PTPRD: variants seen among roughly 807,000 people sequenced by gnomAD.
PTPRD encodes the protein protein tyrosine phosphatase receptor type D.
In PTPRD, 34 loss-of-function variants were observed where a neutral mutation model predicts 214.5. The observed-to-expected ratio is 0.16, with a 90% CI of 0.12 to 0.21. PTPRD has a LOEUF of 0.21. Among genes scored for constraint, PTPRD ranks in the 10% least tolerant of loss-of-function variants. PTPRD has a pLI of 1.00. For synonymous variants in PTPRD, 1,128 were observed against 845.7 expected, an observed-to-expected ratio of 1.33 and a Z score of -5.79; for missense variants, 2,545 against 2,398.7, an observed-to-expected ratio of 1.06 and a Z score of -1.27.
At chr9:9,727,213 T>C (rs2154436911) in intron 7 of PTPRD, among the ~76,000 whole-genome samples, 1 of 152,240 alleles carries the variant, frequency 6.6e-6, no homozygotes, top group Middle Eastern at 3.4e-3. Flanking sequence ...TCTGGCATTC[T>C]GGGTGGCTGA....
intron 10 of PTPRD, among the ~76,000 whole-genome samples, chr9:9,090,207 C>T (rs966463516): frequency 2.0e-5 from 3 of 151,940 alleles, no homozygotes; most frequent in African/African-American, 7.3e-5. Flanking sequence ...CTTCATCTCC[C>T]TGGCCCTCCA....
intron 4 of PTPRD, among the ~76,000 whole-genome samples, chr9:10,000,248 GTAAC>G (rs1262363176): frequency 6.6e-6 from 1 of 152,136 alleles, no homozygotes; most frequent in African/African-American, 2.4e-5. Context: ...ATACATGGGT[GTAAC>G]TAACAAGAGT....
At chr9:8,335,070 C>G (rs1587940217) in intron 43 of PTPRD, among the ~76,000 whole-genome samples, 1 of 152,132 alleles carries the variant, frequency 6.6e-6, no homozygotes, top group African/African-American at 2.4e-5. Flanking sequence ...ACCAGAGGTA[C>G]AAAGAGGAGT....
chr9:10,180,984 T>G (rs565508359), intron 3 of PTPRD, among the ~76,000 whole-genome samples: 1 of 152,092 alleles, frequency 6.6e-6, no homozygotes, highest in Non-Finnish European at 1.5e-5. Context: ...TTAGAATTTA[T>G]TAAGATTAAG....
intron 2 of PTPRD, among the ~76,000 whole-genome samples, chr9:10,483,852 T>C (rs1418684943): frequency 6.6e-6 from 1 of 152,164 alleles, no homozygotes; most frequent in African/African-American, 2.4e-5. Context: ...ACAACCTCTC[T>C]GGAAAACAAT....
chr9:9,981,372 T>TTTTA, intron 4 of PTPRD, among the ~76,000 whole-genome samples: 1 of 151,120 alleles, frequency 6.6e-6, no homozygotes, highest in Non-Finnish European at 1.5e-5. Flanking sequence ...TTTTTTTTTT[T>TTTTA]AAGACAGAGT....
At chr9:8,766,104 G>C (rs1205466195) in intron 11 of PTPRD, among the ~76,000 whole-genome samples, 1 of 151,432 alleles carries the variant, frequency 6.6e-6, no homozygotes, top group Non-Finnish European at 1.5e-5. Context: ...CCTTACACTA[G>C]GTGGGAAATG....
rs564469017 is a variant in PTPRD, at chr9:8,817,713, T to C, written c.-103-83767A>G. ...TCATAGAATGGTAAAATCCATAAAA[T>C]ACCTAATAAGCATACTGATTATGGG... On this transcript the variant is annotated intron_variant, in intron 11 of 45. Coordinates refer to ENST00000381196, the MANE Select transcript of PTPRD (RefSeq NM_002839.4). Among the ~76,000 whole-genome samples, 18 of 152,282 alleles carry C rather than the reference T, an allele frequency of 1.2e-4. No homozygotes were observed. In the South Asian group the frequency reaches 2.5e-3, roughly 21 times the overall value.
At chr9:8,921,458 G>C (rs71507665) in intron 11 of PTPRD, among the ~76,000 whole-genome samples, 23,877 of 151,894 alleles carry the variant, frequency 0.16, 2,004 homozygotes, top group East Asian at 0.26. Context: ...TGAGGATGTG[G>C]GGCTTATGAA....
chr9:9,968,161 A>T (rs1271862024), intron 4 of PTPRD, among the ~76,000 whole-genome samples: 1 of 152,192 alleles, frequency 6.6e-6, no homozygotes, highest in Non-Finnish European at 1.5e-5. Context: ...TTATTCTTCA[A>T]TGAAACCATG....
chr9:9,233,427 G>A (rs549055956), intron 9 of PTPRD, among the ~76,000 whole-genome samples: 33 of 152,140 alleles, frequency 2.2e-4, no homozygotes, highest in South Asian at 4.2e-4. Context: ...TGGTGACACC[G>A]AGCCAAACCA....
rs1268123741 is a variant in PTPRD at position 8,556,740 on chromosome 9, T to C, written c.353-27961A>G. Among the ~76,000 whole-genome samples the C allele has an allele frequency of 2.6e-5, 4 of 152,212 alleles. No individual in the cohort carries two copies. The East Asian group carries it at 5.8e-4, about 22-fold the overall frequency. On this transcript the variant is annotated intron_variant, in intron 14 of 45. Coordinates refer to ENST00000381196, the MANE Select transcript of PTPRD (RefSeq NM_002839.4). Reference sequence around the variant, plus strand: ...CTTAGAATGTACAAATTTATCATTTTGACAGGTAAAAAAAGTGTAAGAATC... The same window carrying C: ...CTTAGAATGTACAAATTTATCATTTCGACAGGTAAAAAAAGTGTAAGAATC...
At chr9:9,808,946 T>G (rs376606122) in intron 5 of PTPRD, among the ~76,000 whole-genome samples, 1 of 100,156 alleles carries the variant, frequency 1.0e-5, no homozygotes, top group East Asian at 5.5e-4. Flanking sequence ...AATTTTTATT[T>G]TGTATTTTTT....
intron 9 of PTPRD, among the ~76,000 whole-genome samples, chr9:9,368,162 A>G (rs1285789648): frequency 6.6e-6 from 1 of 151,798 alleles, no homozygotes; most frequent in Non-Finnish European, 1.5e-5. Flanking sequence ...ATGGGGTAAA[A>G]CGTTAGACCT....
intron 7 of PTPRD, among the ~76,000 whole-genome samples, chr9:9,616,716 G>C (rs1005007619): frequency 1.3e-5 from 2 of 152,032 alleles, no homozygotes; most frequent in South Asian, 4.1e-4. Context: ...GAAAACTCAC[G>C]AATTATCCAC....
chr9:8,408,050 T>C (rs541434771), intron 35 of PTPRD, among the ~76,000 whole-genome samples: 2 of 152,302 alleles, frequency 1.3e-5, no homozygotes, highest in East Asian at 3.9e-4. Flanking sequence ...AAGACCCTAA[T>C]TGCTGGTGAC....
At chr9:10,273,979 CT>C (rs201323778) in intron 3 of PTPRD, among the ~76,000 whole-genome samples, 11,997 of 120,536 alleles carry the variant, frequency 0.1, 609 homozygotes, top group Non-Finnish European at 0.15. Context: ...AATCCTCATG[CT>C]TTGTGTCACA....
At chr9:9,331,213 CCT>C (rs1555244943) in intron 9 of PTPRD, among the ~76,000 whole-genome samples, 2 of 152,042 alleles carry the variant, frequency 1.3e-5, no homozygotes, top group Non-Finnish European at 2.9e-5. Context: ...CTTAGTTTCC[CCT>C]CTTTTATAAC....
chr9:8,473,724 C>G lies in PTPRD; in HGVS notation c.3414-2639G>C, dbSNP rs551064413. On this transcript the variant is annotated intron_variant, in intron 30 of 45. Coordinates refer to ENST00000381196, the MANE Select transcript of PTPRD (RefSeq NM_002839.4). The stretch of plus-strand genomic sequence containing the variant: ...CATTCTTTCTTCGGCAGCACTCCCC[C>G]ACTATTCATTTTACTTGTGGCTGGG... Among the ~76,000 whole-genome samples, 33 of 152,216 alleles carry G rather than the reference C, an allele frequency of 2.2e-4. No individual in the cohort carries two copies. In the South Asian group the frequency reaches 6.6e-3, roughly 31 times the overall value.
Sources: gnomAD v4.1 joint callset for allele counts (sites outside exome capture counted in the v4.1 genomes callset) on GRCh38, gnomAD v4.1.1 for gene constraint, MANE v1.5 for transcripts, NCBI Gene and HGNC (gene_info 2026-07-23, HGNC 2026-07-21) for gene names.